The following TOP3A variants were observed in gnomAD, a reference collection of about 807,000 sequenced individuals.
TOP3A encodes DNA topoisomerase III alpha, also known as DNA topoisomerase 3-alpha.
A neutral mutation model predicts 111.3 loss-of-function variants in TOP3A; 64 were observed. The ratio of observed to expected loss-of-function variants is 0.57; its 90% CI spans 0.47 to 0.71. The LOEUF is 0.71. TOP3A is among the 30% of genes least tolerant of loss of function. TOP3A has a pLI of 0.00. For synonymous variants in TOP3A, 484 were observed against 485.1 expected (o/e 1.00, Z 0.03); for missense variants, 1,104 against 1,285.0 (o/e 0.86, Z 2.15).
chr17:18,297,344 G>C (rs1405231500), intron 9 of TOP3A, among the ~76,000 whole-genome samples: 1 of 152,212 alleles, frequency 6.6e-6, no homozygotes, highest in Non-Finnish European at 1.5e-5. Flanking sequence ...AGAATCACTT[G>C]AACCCGGGAG....
intron 9 of TOP3A, among the ~76,000 whole-genome samples, chr17:18,299,035 C>T (rs1344331871): frequency 1.3e-5 from 2 of 149,884 alleles, no homozygotes; most frequent in African/African-American, 4.9e-5. Flanking sequence ...GTGAGAAACA[C>T]CCAAGAATGA....
chr17:18,275,756 C>T (rs1296405018), intron 18 of TOP3A, among the ~76,000 whole-genome samples: 1 of 151,610 alleles, frequency 6.6e-6, no homozygotes, highest in East Asian at 1.9e-4. Context: ...CGGGTTCACG[C>T]CATTGTCCTG....
rs750453661 is a variant in TOP3A at position 18,274,864 on chromosome 17, G to A, written c.2944C>T (p.Arg982Trp). Residue 982 changes from arginine to tryptophan, a missense_variant, in exon 19 of 19, where the codon CGG becomes TGG. Arg to Trp is a moderately radical substitution (Grantham distance 101). Transcript: ENST00000321105. ...GGCTGGTGGCAAAGGCTGCATTTCC[G>A]GGGTTTCTTTGCTGTGGACCCCATG... ...SDMGSTAKKP[R>W]KCSLCHQPGH... is the part of the protein sequence containing the mutation. 6.8e-6 allele frequency: 11 copies of A among 1,614,062 alleles called. No homozygotes were observed. Among genetic ancestry groups the A allele is most frequent in the African/African-American group, 5.3e-5 (4 of 74,916 alleles).
chr17:18,308,452 G>T, intron 2 of TOP3A, 28 bp from the exon 3 acceptor site: 2 of 1,502,726 alleles, frequency 1.3e-6, no homozygotes, highest in Non-Finnish European at 9.2e-7. Flanking sequence ...TCAAAATTCA[G>T]TTAGTCTTTT....
intron 1 of TOP3A, among the ~76,000 whole-genome samples, chr17:18,311,545 G>A (rs544716553): frequency 6.2e-4 from 94 of 152,144 alleles, no homozygotes; most frequent in African/African-American, 2.2e-3. Flanking sequence ...CTGCCCGCTT[G>A]AGCCTCCCCA....
rs1979130784 is a variant in TOP3A at position 18,273,563 on chromosome 17, G to C, written c.*1239C>G. Among the ~76,000 whole-genome samples the C allele has an allele frequency of 6.6e-6, 1 of 152,172 alleles. No individual in the cohort carries two copies. The highest frequency in any genetic ancestry group is 2.4e-5 in the African/African-American group (1 of 41,436). ...CTTCCAGCACTGGCTGGTACCTGTT[G>C]CTTCTGCAAATGTTCCCCAGACCCT... is the stretch of plus-strand genomic sequence containing the variant. On this transcript the variant is annotated 3_prime_UTR_variant, in exon 19 of 19. Coordinates refer to ENST00000321105, the MANE Select transcript of TOP3A (RefSeq NM_004618.5).
Position 18,290,704 on chromosome 17 carries a change from T to A in TOP3A, c.1468-18A>T, listed in dbSNP as rs201299875. ...GGGAGGATCTACAGGGAGCGGCAGG[T>A]GCAACAGTCAGATGATTCCATCAGC... On this transcript the variant is annotated intron_variant, in intron 12 of 18. Transcript: ENST00000321105. 1 of 1,551,364 alleles carries A rather than the reference T, an allele frequency of 6.4e-7. No individual in the cohort carries two copies.
In TOP3A at chr17:18,314,628, C is replaced by T; in HGVS notation, c.151G>A (p.Asp51Asn). 6.2e-7 allele frequency: 1 copy of T among 1,611,900 alleles called. No individual in the cohort carries two copies. Among genetic ancestry groups the T allele is most frequent in the East Asian group, 2.2e-5 (1 of 44,626 alleles). ...EKNDAAKGIA[D>N]LLSNGRMRRR... ...CTCATGCGACCGTTTGACAGCAGGT[C>T]GGCGATCCCCTTGGCCGCGTCGTTT... The change falls in exon 1 of 19, where the codon GAC (aspartate) becomes AAC (asparagine). Residue 51 changes from aspartate to asparagine, a missense_variant. Coordinates refer to ENST00000321105, the MANE Select transcript of TOP3A (RefSeq NM_004618.5).
intron 18 of TOP3A, among the ~76,000 whole-genome samples, chr17:18,276,140 G>A (rs1369667796): frequency 2.6e-5 from 4 of 152,136 alleles, no homozygotes; most frequent in South Asian, 2.1e-4. Context: ...CTTTCATGCC[G>A]GCCCTTTTTA....
At chr17:18,286,717 T>C (rs138137667) in intron 13 of TOP3A, among the ~76,000 whole-genome samples, 1 of 152,284 alleles carries the variant, frequency 6.6e-6, no homozygotes, top group East Asian at 1.9e-4. Context: ...AATGTAGAGT[T>C]ACCAAGTAAA....
intron 13 of TOP3A, among the ~76,000 whole-genome samples, chr17:18,289,586 T>C (rs979893223): frequency 6.6e-6 from 1 of 152,018 alleles, no homozygotes; most frequent in Non-Finnish European, 1.5e-5. Context: ...CAAGATGGGG[T>C]TTTACCGTGT....
In TOP3A at chr17:18,314,753, G is replaced by A. The variant is rs1404524611; in HGVS notation, c.26C>T (p.Ala9Val). Residue 9 changes from alanine to valine, a missense_variant, in exon 1 of 19, where the codon GCG (alanine) becomes GTG (valine). Transcript: ENST00000321105. ...TTCGGGCCGTCGCAGCCACCGGAGC[G>A]CGTAGCGGGCGACAGGAAAGATCAT... MIFPVARYALRWLRRPEDR... is the reference protein window; with the variant it reads MIFPVARYVLRWLRRPEDR... 3 of 1,559,330 alleles carry A rather than the reference G, an allele frequency of 1.9e-6. No individual in the cohort carries two copies. The highest frequency in any genetic ancestry group is 2.7e-5 in the African/African-American group (2 of 73,140).
chr17:18,282,303 A>C (rs1411133703), intron 16 of TOP3A, among the ~76,000 whole-genome samples: 1 of 152,184 alleles, frequency 6.6e-6, no homozygotes, highest in South Asian at 2.1e-4. Flanking sequence ...ACATTTTATA[A>C]AAGAAGAAAT....
In TOP3A at chr17:18,290,980, A is replaced by G. The variant is rs1057314141; in HGVS notation, c.1329T>C (p.Ala443=). The G allele has an allele frequency of 1.3e-5, 21 of 1,614,106 alleles. No individual in the cohort carries two copies. The highest frequency in any genetic ancestry group is 5.3e-5 in the African/African-American group (4 of 74,936). The change falls in exon 12 of 19, where the codon GCT becomes GCC. Residue 443 remains alanine (A), a synonymous_variant. Coordinates refer to ENST00000321105, the MANE Select transcript of TOP3A (RefSeq NM_004618.5). ...LYEFIVRHFL[A]CCSQDAQGQE... ...GCCCCTGAGCATCCTGGGAGCAGCAAGCCAGGAAATGGCGAACAATAAACT... is the reference window on the plus strand; with the variant it reads ...GCCCCTGAGCATCCTGGGAGCAGCAGGCCAGGAAATGGCGAACAATAAACT...
intron 18 of TOP3A, among the ~76,000 whole-genome samples, chr17:18,275,344 CTTTTTTTTT>C (rs71155327): frequency 1.3e-5 from 1 of 77,142 alleles, no homozygotes; most frequent in African/African-American, 5.6e-5. Flanking sequence ...GCTGAACCAA[CTTTTTTTTT>C]TTTTTTTTTT....
At chr17:18,291,790 T>C (rs908855504) in intron 11 of TOP3A, among the ~76,000 whole-genome samples, 5 of 152,058 alleles carry the variant, frequency 3.3e-5, no homozygotes, top group Admixed American at 3.3e-4. Context: ...TCTCGGCTTA[T>C]TGCAACCTCC....
Position 18,302,792 on chromosome 17 carries a change from T to G in TOP3A, c.500-69A>C. Reference sequence around the variant, plus strand: ...TGCCCTCCATCATAAAGGACTCACTTTTCTTAAAGCCCCTTGAAATAAAGG... The same window carrying G: ...TGCCCTCCATCATAAAGGACTCACTGTTCTTAAAGCCCCTTGAAATAAAGG... On this transcript the variant is annotated intron_variant, in intron 5 of 18. Coordinates refer to ENST00000321105, the MANE Select transcript of TOP3A (RefSeq NM_004618.5). 5 of 1,548,736 alleles carry G rather than the reference T, an allele frequency of 3.2e-6. No homozygotes were observed. In the South Asian group the frequency reaches 4.8e-5, roughly 15 times the overall value.
chr17:18,276,704 T>C (rs927221633), intron 18 of TOP3A, among the ~76,000 whole-genome samples: 15 of 152,226 alleles, frequency 9.9e-5, no homozygotes, highest in African/African-American at 3.6e-4. Flanking sequence ...TGGGTCATTC[T>C]CAGCTACTTA....
chr17:18,288,465 T>C (rs1597965619), intron 13 of TOP3A, among the ~76,000 whole-genome samples: 1 of 149,322 alleles, frequency 6.7e-6, no homozygotes, highest in Admixed American at 6.8e-5. Context: ...TTAAAAATAT[T>C]ATTATTATTT....
Sources: allele counts gnomAD v4.1 joint callset (sites outside exome capture counted in the v4.1 genomes callset), GRCh38; gene constraint gnomAD v4.1.1; transcripts MANE v1.5; gene names NCBI Gene and HGNC (gene_info 2026-07-23, HGNC 2026-07-21).